Variants in KLRG1 observed in about 807,000 individuals in gnomAD.
The protein encoded by KLRG1 is killer cell lectin-like receptor subfamily G member 1.
A neutral mutation model predicts 21.8 loss-of-function variants in KLRG1; 16 were observed. The observed-to-expected ratio is 0.73, with a 90% CI of 0.50 to 1.11. The LOEUF (loss-of-function observed/expected upper bound fraction) is 1.11. KLRG1 is among the 50% of genes most tolerant of loss of function. The probability of loss-of-function intolerance (pLI) is 0.00; values close to 1 mark genes in which losing one functional copy is unlikely to be tolerated. For synonymous variants in KLRG1, 69 were observed against 75.9 expected (o/e 0.91, Z 0.47); for missense variants, 173 against 218.3 (o/e 0.79, Z 1.31).
At chr12:9,036,977 A>G in the KLRG1 span, 1 of 216,626 alleles carries the variant, frequency 4.6e-6, no homozygotes, top group African/African-American at 2.3e-5. Flanking sequence ...GTATGTGACA[A>G]TCTTGATACT....
At chr12:9,130,115 A>T in the KLRG1 span, among the ~76,000 whole-genome samples, 2 of 152,196 alleles carry the variant, frequency 1.3e-5, no homozygotes, top group African/African-American at 4.8e-5. Flanking sequence ...AAATTTCTTC[A>T]AAGTTCATCC....
At chr12:9,109,137 A>G in the KLRG1 span, among the ~76,000 whole-genome samples, 1 of 152,212 alleles carries the variant, frequency 6.6e-6, no homozygotes, top group Non-Finnish European at 1.5e-5. Flanking sequence ...AATACTGATA[A>G]GAACGTGAAA....
chr12:9,092,865 G>A, the KLRG1 span, among the ~76,000 whole-genome samples: 2 of 152,306 alleles, frequency 1.3e-5, no homozygotes, highest in East Asian at 3.9e-4. Context: ...AACAACCTAA[G>A]TGTCTGGGTG....
chr12:8,992,101 C>A, intron 1 of KLRG1, 105 bp from the exon 2 acceptor site: 1 of 853,616 alleles, frequency 1.2e-6, no homozygotes, highest in Non-Finnish European at 1.8e-6. Flanking sequence ...GATCTCAGTT[C>A]CCACTAGGCC....
chr12:9,097,992 A>G, the KLRG1 span, among the ~76,000 whole-genome samples: 2 of 152,214 alleles, frequency 1.3e-5, no homozygotes, highest in Non-Finnish European at 2.9e-5. Flanking sequence ...CAGTGCAGGT[A>G]TATGTATCAC....
rs772851291 is a variant in KLRG1, at chr12:9,007,461, T to C, written c.358-1514T>C. On this transcript the variant is annotated intron_variant, in intron 3 of 4. Coordinates refer to ENST00000356986, the MANE Select transcript of KLRG1 (RefSeq NM_005810.4). ...ATTTTTGTTTTTAGTAGAGACAGGC[T>C]TTTTGTACCACATTCACCAGGCTGG... Among the ~76,000 whole-genome samples, 7 of 152,158 alleles carry C rather than the reference T, an allele frequency of 4.6e-5. No homozygotes were observed. In the South Asian group the frequency reaches 6.2e-4, roughly 14 times the overall value.
chr12:8,968,711 T>A (rs1472412240), intron 1 of KLRG1, among the ~76,000 whole-genome samples: 1 of 152,216 alleles, frequency 6.6e-6, no homozygotes, highest in Non-Finnish European at 1.5e-5. Context: ...ATTCTGGCCA[T>A]AAAACAAGTT....
At chr12:9,108,399 TA>T in the KLRG1 span, among the ~76,000 whole-genome samples, 2 of 152,232 alleles carry the variant, frequency 1.3e-5, no homozygotes, top group Non-Finnish European at 2.9e-5. Context: ...GTGCTGGGAT[TA>T]CAGGCGTGAG....
chr12:9,158,319 G>A, the KLRG1 span: 1 of 1,474,242 alleles, frequency 6.8e-7, no homozygotes, highest in East Asian at 2.3e-5. Flanking sequence ...CATCATCCAG[G>A]ACTTCATCTT....
chr12:9,050,011 A>C, the KLRG1 span, among the ~76,000 whole-genome samples: 1 of 152,176 alleles, frequency 6.6e-6, no homozygotes, highest in Non-Finnish European at 1.5e-5. Flanking sequence ...GTAATTGTTG[A>C]TCCTGACTTG....
intron 1 of KLRG1, among the ~76,000 whole-genome samples, chr12:8,974,231 G>A (rs1230713477): frequency 2.6e-5 from 4 of 151,178 alleles, no homozygotes; most frequent in Non-Finnish European, 5.9e-5. Flanking sequence ...GCAGTGGCGC[G>A]ATCTCGGCTC....
chr12:9,109,940 C>T, the KLRG1 span: 1 of 1,614,050 alleles, frequency 6.2e-7, no homozygotes, highest in South Asian at 1.1e-5. Context: ...TGTAGGAGCC[C>T]TGGAAGGGCT....
the KLRG1 span, among the ~76,000 whole-genome samples, chr12:9,057,300 G>A: frequency 6.6e-6 from 1 of 152,166 alleles, no homozygotes; most frequent in Non-Finnish European, 1.5e-5. Context: ...ATAAGTGGGA[G>A]CTAAATAATT....
At chr12:9,194,466 T>TG in the KLRG1 span, among the ~76,000 whole-genome samples, 1 of 147,508 alleles carries the variant, frequency 6.8e-6, no homozygotes, top group African/African-American at 2.5e-5. Flanking sequence ...CAGGGAGTTT[T>TG]TTTTTTTTTT....
At chr12:9,186,304 C>A in the KLRG1 span, among the ~76,000 whole-genome samples, 1 of 152,152 alleles carries the variant, frequency 6.6e-6, no homozygotes, top group Non-Finnish European at 1.5e-5. Context: ...ACTACATAAC[C>A]ACACTGAAGT....
chr12:9,158,542 C>G, the KLRG1 span: 2 of 1,613,946 alleles, frequency 1.2e-6, no homozygotes, highest in East Asian at 4.5e-5. Flanking sequence ...TAGGATCGAG[C>G]CTGGGCGAAA....
At chr12:9,065,717 C>T in the KLRG1 span, 1 of 152,418 alleles carries the variant, frequency 6.6e-6, no homozygotes, top group Non-Finnish European at 1.5e-5. Context: ...GGCTTGAAGC[C>T]TGCAGACCAG....
chr12:9,079,451 A>C, the KLRG1 span: 1 of 1,196,118 alleles, frequency 8.4e-7, no homozygotes, highest in Non-Finnish European at 1.2e-6. Context: ...GTCATAGATT[A>C]GGAGTTTCTG....
chr12:9,153,685 G>A, the KLRG1 span, among the ~76,000 whole-genome samples: 1 of 152,300 alleles, frequency 6.6e-6, no homozygotes, highest in East Asian at 1.9e-4. Context: ...TTAGATGGAA[G>A]AGTGATAAAA....
Sources: gnomAD v4.1 joint callset for allele counts (sites outside exome capture counted in the v4.1 genomes callset) on GRCh38, gnomAD v4.1.1 for gene constraint, MANE v1.5 for transcripts, NCBI Gene and HGNC (gene_info 2026-07-23, HGNC 2026-07-21) for gene names.